B3GALT1: variants seen among roughly 807,000 people sequenced by gnomAD.
The protein encoded by B3GALT1 is beta-1,3-galactosyltransferase 1, also known as UDP-Gal:betaGlcNAc beta 1,3-galactosyltransferase, polypeptide 1.
A neutral mutation model predicts 23.2 loss-of-function variants in B3GALT1; 10 were observed. That is an observed-to-expected ratio of 0.43 (90% CI 0.27 to 0.73). The LOEUF is 0.73. B3GALT1 is among the 30% of genes least tolerant of loss of function. The probability of loss-of-function intolerance (pLI) is 0.21; values close to 1 mark genes in which losing one functional copy is unlikely to be tolerated. For synonymous variants in B3GALT1, 156 were observed against 141.5 expected (o/e 1.10, Z -0.73); for missense variants, 299 against 405.4 (o/e 0.74, Z 2.25).
intron 2 of B3GALT1, among the ~76,000 whole-genome samples, chr2:167,636,156 C>T (rs916545026): frequency 1.3e-5 from 2 of 151,952 alleles, no homozygotes; most frequent in Admixed American, 6.6e-5. Context: ...GCAACTTTGT[C>T]AGCAGCTGAG....
At chr2:167,623,318 C>T (rs968934715) in intron 2 of B3GALT1, among the ~76,000 whole-genome samples, 1 of 151,942 alleles carries the variant, frequency 6.6e-6, no homozygotes, top group African/African-American at 2.4e-5. Context: ...CACATGCACA[C>T]ATATGTTTAT....
At chr2:167,416,173 C>T (rs1486270760) in intron 1 of B3GALT1, among the ~76,000 whole-genome samples, 1 of 152,138 alleles carries the variant, frequency 6.6e-6, no homozygotes, top group African/African-American at 2.4e-5. Context: ...ATCTTTGAGG[C>T]TCTCTCTTCC....
At chr2:167,382,796 A>G (rs1222057737) in intron 1 of B3GALT1, among the ~76,000 whole-genome samples, 1 of 152,126 alleles carries the variant, frequency 6.6e-6, no homozygotes. Flanking sequence ...TAAATAAATC[A>G]CCAGGGAGAA....
At chr2:167,332,370 T>A (rs1224383660) in intron 1 of B3GALT1, among the ~76,000 whole-genome samples, 1 of 152,234 alleles carries the variant, frequency 6.6e-6, no homozygotes, top group East Asian at 1.9e-4. Flanking sequence ...TGAAGCAATA[T>A]ATGAAAATGT....
intron 1 of B3GALT1, among the ~76,000 whole-genome samples, chr2:167,436,976 G>A (rs957620409): frequency 1.3e-5 from 2 of 151,844 alleles, no homozygotes; most frequent in African/African-American, 4.9e-5. Flanking sequence ...ACTGAGAGGC[G>A]GGGAGCAATG....
At chr2:167,329,993 G>A (rs573293884) in intron 1 of B3GALT1, among the ~76,000 whole-genome samples, 32 of 152,236 alleles carry the variant, frequency 2.1e-4, no homozygotes, top group African/African-American at 7.7e-4. Flanking sequence ...TGTGCATGGA[G>A]AAGTCCTTTT....
intron 1 of B3GALT1, among the ~76,000 whole-genome samples, chr2:167,301,905 A>C (rs1433308769): frequency 6.6e-6 from 1 of 152,188 alleles, no homozygotes; most frequent in Non-Finnish European, 1.5e-5. Flanking sequence ...GCAGAAGGGA[A>C]AAATGTCTCC....
At chr2:167,600,070 T>C (rs1234222357) in intron 2 of B3GALT1, among the ~76,000 whole-genome samples, 1 of 152,254 alleles carries the variant, frequency 6.6e-6, no homozygotes, top group African/African-American at 2.4e-5. Context: ...TGATGCATTA[T>C]TTATTTCTTT....
chr2:167,481,748 C>A (rs997693241), intron 1 of B3GALT1, among the ~76,000 whole-genome samples: 2 of 152,168 alleles, frequency 1.3e-5, no homozygotes. Context: ...AGGAAGTTCA[C>A]AGCCAAACCT....
At chr2:167,406,971 C>T (rs1345110248) in intron 1 of B3GALT1, among the ~76,000 whole-genome samples, 3 of 152,152 alleles carry the variant, frequency 2.0e-5, no homozygotes, top group Non-Finnish European at 2.9e-5. Context: ...GGAGTTTAAA[C>T]GACATACCCT....
intron 3 of B3GALT1, among the ~76,000 whole-genome samples, chr2:167,790,056 T>C (rs1558979861): frequency 6.6e-6 from 1 of 152,206 alleles, no homozygotes; most frequent in African/African-American, 2.4e-5. Flanking sequence ...TGTTTTGTTT[T>C]GTTTAACCTA....
chr2:167,441,972 G>A (rs1698900852), intron 1 of B3GALT1, among the ~76,000 whole-genome samples: 1 of 151,722 alleles, frequency 6.6e-6, no homozygotes, highest in Admixed American at 6.6e-5. Flanking sequence ...CTGGTGTGCT[G>A]CACCCATTAA....
intron 1 of B3GALT1, among the ~76,000 whole-genome samples, chr2:167,402,323 G>A (rs1698205674): frequency 6.6e-6 from 1 of 152,038 alleles, no homozygotes; most frequent in Non-Finnish European, 1.5e-5. Context: ...GTTTTAGTTT[G>A]TCTTATGTGG....
At chr2:167,802,374 T>C (rs1190219642) in intron 3 of B3GALT1, among the ~76,000 whole-genome samples, 1 of 152,204 alleles carries the variant, frequency 6.6e-6, no homozygotes. Context: ...GGCCCCCAAA[T>C]AGGCTATTGA....
chr2:167,444,782 G>A (rs1042857308), intron 1 of B3GALT1, among the ~76,000 whole-genome samples: 14 of 151,838 alleles, frequency 9.2e-5, no homozygotes, highest in Admixed American at 5.9e-4. Context: ...TCTTGCTAGC[G>A]GTCTATAATT....
chr2:167,402,120 A>G (rs1044497562), intron 1 of B3GALT1, among the ~76,000 whole-genome samples: 3 of 152,166 alleles, frequency 2.0e-5, no homozygotes, highest in African/African-American at 7.2e-5. Context: ...ACAATATTAT[A>G]GATAATTTCA....
chr2:167,615,985 A>G (rs1165824348), intron 2 of B3GALT1, among the ~76,000 whole-genome samples: 2 of 152,104 alleles, frequency 1.3e-5, no homozygotes, highest in African/African-American at 2.4e-5. Flanking sequence ...TCATTCTGAC[A>G]TATGCCACTC....
chr2:167,605,009 C>T (rs1056610307), intron 2 of B3GALT1, among the ~76,000 whole-genome samples: 20 of 152,134 alleles, frequency 1.3e-4, no homozygotes, highest in East Asian at 1.9e-4. Context: ...CATTACAGTG[C>T]GTACAATGGA....
chr2:167,503,002 G>T (rs61416591), intron 2 of B3GALT1, among the ~76,000 whole-genome samples: 4,603 of 152,166 alleles, frequency 0.03, 130 homozygotes, highest in East Asian at 0.11. Context: ...TCACGGCATT[G>T]TACTCCAGCC....
Sources: gnomAD v4.1 joint callset for allele counts (sites outside exome capture counted in the v4.1 genomes callset) on GRCh38, gnomAD v4.1.1 for gene constraint, MANE v1.5 for transcripts, NCBI Gene and HGNC (gene_info 2026-07-23, HGNC 2026-07-21) for gene names.